Variants in CSMD1 observed in about 807,000 individuals in gnomAD.
The protein encoded by CSMD1 is CUB and sushi domain-containing protein 1.
Under a neutral mutation model 417.5 loss-of-function variants are expected in CSMD1, and 213 were observed. The ratio of observed to expected loss-of-function variants is 0.51; its 90% CI spans 0.46 to 0.57. CSMD1 has a LOEUF of 0.57. CSMD1 is among the 20% of genes least tolerant of loss of function. CSMD1 has a pLI of 0.00. For missense variants in CSMD1, 6,923 were observed against 4,529.7 expected (o/e 1.53, Z -15.17); for synonymous variants, 2,862 against 1,736.8 (o/e 1.65, Z -16.11).
intron 2 of CSMD1, among the ~76,000 whole-genome samples, chr8:4,544,519 C>G (rs1223363115): frequency 3.3e-5 from 5 of 152,036 alleles, no homozygotes; most frequent in Non-Finnish European, 5.9e-5. Context: ...TTGGGATCCA[C>G]TGCTGACTTT....
intron 1 of CSMD1, among the ~76,000 whole-genome samples, chr8:4,717,156 A>G (rs1282166293): frequency 6.6e-6 from 1 of 151,828 alleles, no homozygotes; most frequent in Non-Finnish European, 1.5e-5. Context: ...ACTAGGGTAT[A>G]CAGTGAGATA....
chr8:3,187,589 T>C (rs953994224), intron 36 of CSMD1, among the ~76,000 whole-genome samples: 4 of 152,156 alleles, frequency 2.6e-5, no homozygotes, highest in African/African-American at 9.7e-5. Context: ...CACATTACTA[T>C]TCCTGGCTTC....
intron 54 of CSMD1, among the ~76,000 whole-genome samples, chr8:2,995,648 G>A (rs992362837): frequency 1.3e-5 from 2 of 152,132 alleles, no homozygotes; most frequent in African/African-American, 4.8e-5. Context: ...AATCAACCCA[G>A]ACGTCCTTCA....
intron 3 of CSMD1, among the ~76,000 whole-genome samples, chr8:4,390,574 T>C (rs1334064431): frequency 1.3e-5 from 2 of 149,220 alleles, no homozygotes; most frequent in East Asian, 2.0e-4. Flanking sequence ...AGTGCAGTGG[T>C]GCGATCTCAG....
Position 3,549,358 on chromosome 8 carries a change from T to A in CSMD1, c.1344+25587A>T, listed in dbSNP as rs1798812447. On this transcript the variant is annotated intron_variant, in intron 10 of 69. Transcript: ENST00000635120. ...CCAGCTTCTGTTCTAGGCCAAGTGG[T>A]CTCAGATAGACAGATCTAGGCCTTA... Among the ~76,000 whole-genome samples, 4 of 152,214 alleles carry A rather than the reference T, an allele frequency of 2.6e-5. No homozygotes were observed. The South Asian group carries it at 8.3e-4, about 32-fold the overall frequency.
intron 41 of CSMD1, among the ~76,000 whole-genome samples, chr8:3,124,728 T>C (rs10100625): frequency 0.014 from 2,162 of 152,256 alleles, 45 homozygotes; most frequent in African/African-American, 0.049. Flanking sequence ...GGACGTTCAT[T>C]AGAACACATT....
intron 33 of CSMD1, among the ~76,000 whole-genome samples, chr8:3,196,148 T>C (rs184052087): frequency 2.0e-5 from 3 of 152,278 alleles, no homozygotes; most frequent in Non-Finnish European, 4.4e-5. Flanking sequence ...GCTCATTATA[T>C]ACTAATTATA....
chr8:4,572,792 A>G (rs1283519159), intron 2 of CSMD1, among the ~76,000 whole-genome samples: 1 of 152,012 alleles, frequency 6.6e-6, no homozygotes, highest in Non-Finnish European at 1.5e-5. Context: ...ACAGTCCCAT[A>G]TTTCTTGGAA....
intron 3 of CSMD1, among the ~76,000 whole-genome samples, chr8:4,296,815 A>G (rs1408978022): frequency 6.8e-6 from 1 of 146,704 alleles, no homozygotes; most frequent in Non-Finnish European, 1.5e-5. Flanking sequence ...TGATTATTGT[A>G]TTCATCTGAA....
intron 1 of CSMD1, among the ~76,000 whole-genome samples, chr8:4,701,049 C>T (rs752974412): frequency 6.6e-6 from 1 of 152,082 alleles, no homozygotes; most frequent in Non-Finnish European, 1.5e-5. Flanking sequence ...AGTATGAGTA[C>T]ATAAAACATC....
chr8:4,196,828 G>C (rs577064309), intron 3 of CSMD1, among the ~76,000 whole-genome samples: 1 of 152,208 alleles, frequency 6.6e-6, no homozygotes, highest in African/African-American at 2.4e-5. Context: ...TGAACACACT[G>C]GGGGTGATAT....
intron 8 of CSMD1, among the ~76,000 whole-genome samples, chr8:3,605,564 G>A (rs924054219): frequency 2.0e-5 from 3 of 152,132 alleles, no homozygotes; most frequent in South Asian, 2.1e-4. Context: ...ATTTGTTTCT[G>A]CTTCTTATTA....
intron 12 of CSMD1, among the ~76,000 whole-genome samples, chr8:3,466,444 C>G (rs1284183593): frequency 6.6e-6 from 1 of 151,910 alleles, no homozygotes; most frequent in Non-Finnish European, 1.5e-5. Context: ...GAGTCTCACT[C>G]TGTTGCCTAG....
chr8:2,943,758 T>C (rs1277762799), intron 68 of CSMD1, among the ~76,000 whole-genome samples: 2 of 152,190 alleles, frequency 1.3e-5, no homozygotes, highest in African/African-American at 4.8e-5. Context: ...TTGGCCTAAT[T>C]GCATGGAGTC....
chr8:4,200,400 T>C (rs1330772043), intron 3 of CSMD1, among the ~76,000 whole-genome samples: 1 of 152,048 alleles, frequency 6.6e-6, no homozygotes, highest in Non-Finnish European at 1.5e-5. Context: ...CAGAAAAAAA[T>C]TAATGAAAAT....
chr8:4,817,711 G>A (rs950639794), intron 1 of CSMD1, among the ~76,000 whole-genome samples: 1 of 152,140 alleles, frequency 6.6e-6, no homozygotes. Context: ...ACTTTAAATT[G>A]CATAATTTTG....
intron 5 of CSMD1, among the ~76,000 whole-genome samples, chr8:3,822,739 CA>C: frequency 6.6e-6 from 1 of 152,178 alleles, no homozygotes; most frequent in Non-Finnish European, 1.5e-5. Flanking sequence ...TTTTGTTTGG[CA>C]CCAAAGTGGA....
In CSMD1 at chr8:3,307,744, T is replaced by G. The variant is rs761840216; in HGVS notation, c.3901A>C (p.Asn1301His). Reference sequence around the variant, plus strand: ...TCTATAATCCAGGTGCAGTGGAGGTTGTTGTCATACGGAGCTGGATAGCCA... The same window carrying G: ...TCTATAATCCAGGTGCAGTGGAGGTGGTTGTCATACGGAGCTGGATAGCCA... Reference protein sequence around the residue: ...SPGYPAPYDNNLHCTWIIEAD... With the variant: ...SPGYPAPYDNHLHCTWIIEAD... The change falls in exon 25 of 70, where the codon AAC (asparagine) becomes CAC (histidine). Residue 1301 changes from asparagine (N) to histidine (H), a missense_variant. Coordinates refer to ENST00000635120, the MANE Select transcript of CSMD1 (RefSeq NM_033225.6). 1.2e-6 allele frequency: 2 copies of G among 1,613,738 alleles called. No homozygotes were observed. Among genetic ancestry groups the G allele is most frequent in the Non-Finnish European group, 1.7e-6 (2 of 1,179,682 alleles).
chr8:4,088,135 G>A (rs1005473687), intron 3 of CSMD1, among the ~76,000 whole-genome samples: 2 of 152,162 alleles, frequency 1.3e-5, no homozygotes, highest in Non-Finnish European at 2.9e-5. Flanking sequence ...CTGTGAGGAG[G>A]ACACTGCCCA....
Sources: gnomAD v4.1 joint callset for allele counts (sites outside exome capture counted in the v4.1 genomes callset) on GRCh38, gnomAD v4.1.1 for gene constraint, MANE v1.5 for transcripts, NCBI Gene and HGNC (gene_info 2026-07-23, HGNC 2026-07-21) for gene names.